The following INTS8 variants were observed in gnomAD, a reference collection of about 807,000 sequenced individuals.
INTS8 encodes the protein integrator complex subunit 8, also known as protein kaonashi-1.
INTS8 carries 47 observed loss-of-function variants against 138.9 expected under a neutral mutation model. The ratio of observed to expected loss-of-function variants is 0.34; its 90% CI spans 0.27 to 0.43. INTS8 has a LOEUF of 0.43. Among genes scored for constraint, INTS8 ranks in the 20% least tolerant of loss-of-function variants. INTS8 has a pLI of 1.00. For missense variants in INTS8, 996 were observed against 1,173.0 expected (o/e 0.85, Z 2.20); for synonymous variants, 392 against 400.9 (o/e 0.98, Z 0.27).
At position 94,823,498 on chromosome 8, in the gene INTS8, T is replaced by G; in HGVS notation, c.67T>G (p.Cys23Gly). Residue 23 changes from cysteine (C) to glycine (G), a missense_variant, in exon 1 of 27, where the codon TGC becomes GGC. Physicochemically the swap from Cys to Gly is radical, Grantham distance 159. Transcript: ENST00000523731. ...SSRPCTPPQT[C>G]WFEFLLEESL... ...CCGGCCCTGCACCCCGCCGCAGACC[T>G]GCTGGTTTGAGTTTCTGCTGGAGGA... 1 of 1,561,366 alleles carries G rather than the reference T, an allele frequency of 6.4e-7. No homozygotes were observed. The highest frequency in any genetic ancestry group is 8.7e-7 in the Non-Finnish European group (1 of 1,153,292).
chr8:94,849,015 T>A (rs1274175916), intron 10 of INTS8, among the ~76,000 whole-genome samples: 1 of 152,140 alleles, frequency 6.6e-6, no homozygotes, highest in Non-Finnish European at 1.5e-5. Context: ...TTTTAACTAT[T>A]CATGAATAGC....
intron 6 of INTS8, among the ~76,000 whole-genome samples, chr8:94,834,249 C>G (rs1814838568): frequency 6.6e-6 from 1 of 152,034 alleles, no homozygotes; most frequent in Non-Finnish European, 1.5e-5. Flanking sequence ...ATTGTAATGG[C>G]TAGTCAGTTG....
At chr8:94,824,676 T>C (rs918781604) in intron 1 of INTS8, among the ~76,000 whole-genome samples, 1 of 151,540 alleles carries the variant, frequency 6.6e-6, no homozygotes, top group African/African-American at 2.4e-5. Flanking sequence ...CTTACCACTC[T>C]TCCGCATCTC....
At position 94,879,439 on chromosome 8, in the gene INTS8, A is replaced by G. The variant is rs28399590; in HGVS notation, c.2872-679A>G. Among the ~76,000 whole-genome samples the G allele has an allele frequency of 5.8e-3, 889 of 152,106 alleles. 9 individuals carry two copies. Among genetic ancestry groups the G allele is most frequent in the African/African-American group, 0.019 (796 of 41,474 alleles). ...TGAAACCCCGTCTCTACTAAAAAAT[A>G]CAAAAATTAGACGGACGAGATGGCG... On this transcript the variant is annotated intron_variant, in intron 26 of 26. Coordinates refer to ENST00000523731, the MANE Select transcript of INTS8 (RefSeq NM_017864.4).
At position 94,838,626 on chromosome 8, in the gene INTS8, G is replaced by A. The variant is rs1268713733; in HGVS notation, c.1017+8G>A. On this transcript the variant is annotated splice_region_variant and intron_variant, in intron 8 of 26. Transcript: ENST00000523731. ...AGATCTGGCAACTATCAGGTAAGGT[G>A]TATGAGGGGGATGCAGTGAAGTTTT... 1.9e-6 allele frequency: 3 copies of A among 1,599,566 alleles called. No individual in the cohort carries two copies. Among genetic ancestry groups the A allele is most frequent in the African/African-American group, 1.3e-5 (1 of 74,684 alleles).
chr8:94,867,128 T>C lies in INTS8; in HGVS notation c.2296-12T>C, dbSNP rs751285576. 6.3e-7 allele frequency: 1 copy of C among 1,591,676 alleles called. No individual in the cohort carries two copies. The highest frequency in any genetic ancestry group is 1.1e-5 in the South Asian group (1 of 87,978). ...TACACTGTTTAAGGATTCTGTGTTT[T>C]CTTTCTCATAGGAACCACTCGTTTT... On this transcript the variant is annotated splice_polypyrimidine_tract_variant and intron_variant, in intron 18 of 26. Coordinates refer to ENST00000523731, the MANE Select transcript of INTS8 (RefSeq NM_017864.4).
At position 94,831,996 on chromosome 8, in the gene INTS8, A is replaced by G. The variant is rs780470909; in HGVS notation, c.575A>G (p.Lys192Arg). ...ELTENILKVL[K>R]EQAADSILVL... The stretch of plus-strand genomic sequence containing the variant: ...TTTGTTTATTGATTTCTGTAGCTCA[A>G]AGAACAAGCTGCTGATTCTATTTTG... Residue 192 changes from lysine (K) to arginine (R), a missense_variant, in exon 6 of 27, where the codon AAA becomes AGA. Coordinates refer to ENST00000523731, the MANE Select transcript of INTS8 (RefSeq NM_017864.4). The G allele has an allele frequency of 6.3e-7, 1 of 1,587,676 alleles. No homozygotes were observed. Among genetic ancestry groups the G allele is most frequent in the Non-Finnish European group, 8.5e-7 (1 of 1,171,194 alleles).
intron 14 of INTS8, among the ~76,000 whole-genome samples, chr8:94,855,458 T>G (rs187010550): frequency 1.1e-3 from 170 of 152,312 alleles, no homozygotes; most frequent in African/African-American, 4.0e-3. Flanking sequence ...GGCTGCCATA[T>G]TAGACAATGC....
intron 5 of INTS8, among the ~76,000 whole-genome samples, chr8:94,829,337 G>A (rs1443150211): frequency 2.6e-5 from 4 of 151,824 alleles, no homozygotes; most frequent in African/African-American, 9.7e-5. Flanking sequence ...GGGGTGATGA[G>A]AGACAGTGAC....
Position 94,841,590 on chromosome 8 carries a change from G to A in INTS8, c.1117G>A (p.Gly373Arg). 1 of 1,509,806 alleles carries A rather than the reference G, an allele frequency of 6.6e-7. No homozygotes were observed. The highest frequency in any genetic ancestry group is 9.1e-7 in the Non-Finnish European group (1 of 1,101,296). 93.5% of individuals were successfully genotyped at this position (1,509,806 alleles called of 1,614,324 possible). Residue 373 changes from glycine (G) to arginine (R), a missense_variant and splice_region_variant, in exon 9 of 27, where the codon GGA (glycine) becomes AGA (arginine). Transcript: ENST00000523731. ...AGAACTCTTTAAGAAAGCTCAACAG[G>A]GGTAAGTAAGTTGAAAAATTACTTC... ...LRELFKKAQQ[G>R]NEALDEICFK...
chr8:94,828,559 T>G (rs1298386162), intron 4 of INTS8, among the ~76,000 whole-genome samples: 4 of 152,232 alleles, frequency 2.6e-5, no homozygotes, highest in Non-Finnish European at 5.9e-5. Flanking sequence ...TAGCCAAATT[T>G]GGAGCTAGAA....
At position 94,869,047 on chromosome 8, in the gene INTS8, A is replaced by G. The variant is rs559699090; in HGVS notation, c.2414+1710A>G. On this transcript the variant is annotated intron_variant, in intron 20 of 26. Coordinates refer to ENST00000523731, the MANE Select transcript of INTS8 (RefSeq NM_017864.4). Reference sequence around the variant, plus strand: ...GCCCAGGCTGGAGTGCAGTGGCGCAATCTCGGCTCTCCACAACCTCTGCCT... The same window carrying G: ...GCCCAGGCTGGAGTGCAGTGGCGCAGTCTCGGCTCTCCACAACCTCTGCCT... 1.1e-4 allele frequency among the ~76,000 whole-genome samples: 16 copies of G among 150,312 alleles called. 2 individuals carry two copies. The East Asian group carries it at 2.9e-3, about 28-fold the overall frequency.
chr8:94,830,417 C>A (rs1228511705), intron 5 of INTS8, among the ~76,000 whole-genome samples: 6 of 152,208 alleles, frequency 3.9e-5, no homozygotes, highest in African/African-American at 1.4e-4. Context: ...TACATCATTT[C>A]ATTGTTGTTA....
chr8:94,841,435 T>TA (rs2131014766), intron 8 of INTS8, 56 bp from the exon 9 acceptor site: 3 of 811,792 alleles, frequency 3.7e-6, no homozygotes, highest in Admixed American at 2.5e-5. Context: ...TTGTTTAAAG[T>TA]AAAAAAACTT....
At chr8:94,828,906 T>C in intron 4 of INTS8, 69 bp from the exon 5 acceptor site, 3 of 971,092 alleles carry the variant, frequency 3.1e-6, no homozygotes, top group Non-Finnish European at 4.9e-6. Context: ...AATGATGCTC[T>C]TAAGTTTTGA....
At position 94,880,792 on chromosome 8, in the gene INTS8, TAG is replaced by T. The variant is rs537932642; in HGVS notation, c.*561_*562del. The T allele has an allele frequency of 1.3e-5, 5 of 398,564 alleles. No homozygotes were observed. The South Asian group carries it at 6.4e-4, about 51-fold the overall frequency. The allele number at this position is 398,564 out of a possible 1,614,324, so 24.7% of individuals were successfully genotyped here. ...AAAAAAAAATTCCTTAGGGATATCT[TAG>T]AGTAGTAAAGTGACTTCCTCATATA... On this transcript the variant is annotated 3_prime_UTR_variant, in exon 27 of 27. Coordinates refer to ENST00000523731, the MANE Select transcript of INTS8 (RefSeq NM_017864.4).
rs549862604 is a variant in INTS8, at chr8:94,828,936, A to C, written c.519-39A>C. ...TTTTGAATTTTTTAGTCTTGAGAGTAACTTTTGATACTTTTGTTTTCAATT... is the reference window on the plus strand; with the variant it reads ...TTTTGAATTTTTTAGTCTTGAGAGTCACTTTTGATACTTTTGTTTTCAATT... On this transcript the variant is annotated intron_variant, in intron 4 of 26. Coordinates refer to ENST00000523731, the MANE Select transcript of INTS8 (RefSeq NM_017864.4). The C allele has an allele frequency of 3.6e-6, 5 of 1,377,628 alleles. No homozygotes were observed. The East Asian group carries it at 1.1e-4, about 31-fold the overall frequency. The allele number at this position is 1,377,628 out of a possible 1,614,324, so 85.3% of individuals were successfully genotyped here. A position where few individuals can be genotyped will look rare whatever the true frequency, so the allele number is the denominator to read the frequency against.
chr8:94,855,534 CCTT>C (rs1477808611), intron 14 of INTS8, among the ~76,000 whole-genome samples: 12 of 152,232 alleles, frequency 7.9e-5, no homozygotes, highest in South Asian at 2.1e-4. Flanking sequence ...AGCTTTATCT[CCTT>C]CTACACCTAA....
intron 10 of INTS8, among the ~76,000 whole-genome samples, chr8:94,848,025 T>TTTTTTTTTTTTTTTTTC: frequency 1.3e-5 from 2 of 151,342 alleles, no homozygotes; most frequent in Non-Finnish European, 2.9e-5. Context: ...TTTTTTTTTT[T>TTTTTTTTTTTTTTTTTC]TGAGATGGAG....
Sources: gnomAD v4.1 joint callset for allele counts (sites outside exome capture counted in the v4.1 genomes callset) on GRCh38, gnomAD v4.1.1 for gene constraint, MANE v1.5 for transcripts, NCBI Gene and HGNC (gene_info 2026-07-23, HGNC 2026-07-21) for gene names.